MGST1: variants seen among roughly 807,000 people sequenced by gnomAD.
MGST1 encodes the protein microsomal glutathione S-transferase 1, also known as glutathione S-transferase 12.
Under a neutral mutation model 8.9 loss-of-function variants are expected in MGST1, and 5 were observed. The observed-to-expected ratio is 0.56, with a 90% CI of 0.29 to 1.19. MGST1 has a LOEUF of 1.19. Ranked by LOEUF, MGST1 falls within the 50% of genes most tolerant of loss-of-function variation. The pLI is 0.08. For synonymous variants in MGST1, 54 were observed against 67.8 expected (o/e 0.80, Z 1.00); for missense variants, 182 against 187.4 (o/e 0.97, Z 0.17).
At chr12:16,498,053 C>A (rs749870576) in intron 4 of MGST1, among the ~76,000 whole-genome samples, 5 of 152,090 alleles carry the variant, frequency 3.3e-5, no homozygotes, top group Admixed American at 6.6e-5. Context: ...TATGATATGA[C>A]CCATAAAATG....
At chr12:16,562,849 G>A (rs1206800389) in intron 4 of MGST1, among the ~76,000 whole-genome samples, 1 of 152,186 alleles carries the variant, frequency 6.6e-6, no homozygotes, top group African/African-American at 2.4e-5. Context: ...CCCGTACGGC[G>A]CACTGCTACC....
chr12:16,485,993 A>T (rs888551418), intron 4 of MGST1, among the ~76,000 whole-genome samples: 1 of 152,194 alleles, frequency 6.6e-6, no homozygotes, highest in South Asian at 2.1e-4. Context: ...ACCTTTGAAC[A>T]TGCCAAGCAC....
At chr12:16,373,311 G>A (rs961639376) in intron 3 of MGST1, among the ~76,000 whole-genome samples, 5 of 151,612 alleles carry the variant, frequency 3.3e-5, no homozygotes, top group Non-Finnish European at 7.4e-5. Flanking sequence ...AATATGGTTG[G>A]ATGGAAGGAA....
rs140952789 is a variant in MGST1 at position 16,393,410 on chromosome 12, C to A, written n.778+9806C>A. Reference sequence around the variant, plus strand: ...GGGAGGAATAGCCACACTCTCAGAGCCTTTCAGGGCAGGCAAAACCTGCAA... The same window carrying A: ...GGGAGGAATAGCCACACTCTCAGAGACTTTCAGGGCAGGCAAAACCTGCAA... On this transcript the variant is annotated intron_variant and non_coding_transcript_variant, in intron 1 of 1. Coordinates refer to the MGST1 transcript ENST00000359720. 1.3e-3 allele frequency among the ~76,000 whole-genome samples: 195 copies of A among 152,354 alleles called. 3 individuals are homozygous for A. The East Asian group carries it at 0.031, about 25-fold the overall frequency.
At chr12:16,575,023 AC>A in intron 4 of MGST1, among the ~76,000 whole-genome samples, 1 of 152,140 alleles carries the variant, frequency 6.6e-6, no homozygotes. Context: ...AAAGAAACAA[AC>A]ACAAAACACA....
chr12:16,542,755 G>A (rs550390939), intron 4 of MGST1, among the ~76,000 whole-genome samples: 7 of 152,276 alleles, frequency 4.6e-5, no homozygotes, highest in Middle Eastern at 6.8e-3. Context: ...AGGCCACCCT[G>A]TATTCCAGTT....
At chr12:16,494,215 T>C (rs1054882398) in intron 4 of MGST1, among the ~76,000 whole-genome samples, 11 of 152,184 alleles carry the variant, frequency 7.2e-5, no homozygotes, top group Non-Finnish European at 1.3e-4. Flanking sequence ...GTCCTTCACA[T>C]GCTTATGAAT....
At chr12:16,434,887 A>T (rs1473704672) in intron 1 of MGST1, among the ~76,000 whole-genome samples, 5 of 152,000 alleles carry the variant, frequency 3.3e-5, no homozygotes, top group African/African-American at 1.2e-4. Flanking sequence ...TTTAAAAACA[A>T]TTTTCTTATG....
chr12:16,349,964 TCGATCTCCTGACCTCG>T (rs1939387788), intron 1 of MGST1, among the ~76,000 whole-genome samples: 1 of 152,122 alleles, frequency 6.6e-6, no homozygotes, highest in African/African-American at 2.4e-5. Context: ...CAGGATGGTC[TCGATCTCCTGACCTCG>T]TGATCTGCCC....
At chr12:16,424,522 T>G (rs1413345925) in intron 1 of MGST1, among the ~76,000 whole-genome samples, 2 of 152,204 alleles carry the variant, frequency 1.3e-5, no homozygotes, top group Non-Finnish European at 2.9e-5. Flanking sequence ...TCTAATTATT[T>G]CTTCTTGTAA....
intron 4 of MGST1, among the ~76,000 whole-genome samples, chr12:16,508,495 T>C (rs1941555601): frequency 6.6e-6 from 1 of 152,210 alleles, no homozygotes; most frequent in South Asian, 2.1e-4. Flanking sequence ...TACAGACAGT[T>C]TATAGTTGTT....
intron 1 of MGST1, among the ~76,000 whole-genome samples, chr12:16,405,378 G>A (rs1179360323): frequency 6.6e-6 from 1 of 151,842 alleles, no homozygotes; most frequent in African/African-American, 2.4e-5. Flanking sequence ...AAGAAATTAA[G>A]TCTCTTAACA....
At chr12:16,390,005 C>T (rs1169445250) in intron 1 of MGST1, among the ~76,000 whole-genome samples, 4 of 152,174 alleles carry the variant, frequency 2.6e-5, no homozygotes, top group Non-Finnish European at 4.4e-5. Context: ...ATTTCACACA[C>T]GAAGGCTCAT....
intron 4 of MGST1, among the ~76,000 whole-genome samples, chr12:16,523,048 A>G (rs567066647): frequency 2.0e-5 from 3 of 152,026 alleles, no homozygotes; most frequent in Non-Finnish European, 4.4e-5. Flanking sequence ...GACATATGAC[A>G]TATTTGCAAA....
intron 4 of MGST1, among the ~76,000 whole-genome samples, chr12:16,479,892 C>G (rs543018319): frequency 5.0e-4 from 76 of 152,164 alleles, no homozygotes; most frequent in Non-Finnish European, 9.0e-4. Context: ...AGAGATTGCC[C>G]ACATATGCCC....
chr12:16,414,357 CT>C (rs375736641), intron 1 of MGST1, among the ~76,000 whole-genome samples: 55,292 of 103,306 alleles, frequency 0.54, 13,184 homozygotes, highest in Non-Finnish European at 0.57. Context: ...TACCTGATTT[CT>C]TTTTTTTTTT....
intron 3 of MGST1, among the ~76,000 whole-genome samples, chr12:16,358,316 A>G (rs1939822706): frequency 6.6e-6 from 1 of 151,980 alleles, no homozygotes; most frequent in Non-Finnish European, 1.5e-5. Context: ...AGTCCCCAAA[A>G]TCTATTGTTG....
chr12:16,587,732 C>G lies in MGST1; in HGVS notation n.483-1796C>G, dbSNP rs1325144991. The stretch of plus-strand genomic sequence containing the variant: ...GACAAACAATGATATGTATTACATG[C>G]AGTAAACACTGCCTTTGGTACACAG... On this transcript the variant is annotated intron_variant and non_coding_transcript_variant, in intron 4 of 4. Coordinates refer to the MGST1 transcript ENST00000538857. This position sits in a 1 kb window ranked among gnomAD's most constrained non-coding sequence, Gnocchi z 4.3. 6.6e-6 allele frequency among the ~76,000 whole-genome samples: 1 copy of G among 151,636 alleles called. No individual in the cohort carries two copies. Among genetic ancestry groups the G allele is most frequent in the Non-Finnish European group, 1.5e-5 (1 of 67,736 alleles).
exon 4 of MGST1, chr12:16,376,139 G>A (rs1940375654): frequency 2.3e-6 from 3 of 1,302,472 alleles, no homozygotes; most frequent in Admixed American, 2.1e-5. Context: ...CAAACCCTGA[G>A]CATTTATCTT....
Sources: gnomAD v4.1 joint callset for allele counts (sites outside exome capture counted in the v4.1 genomes callset) on GRCh38, gnomAD v4.1.1 for gene constraint, Gnocchi (gnomAD v3.1) non-coding constraint, MANE v1.5 for transcripts, NCBI Gene and HGNC (gene_info 2026-07-23, HGNC 2026-07-21) for gene names.